AGFG1: variants seen among roughly 807,000 people sequenced by gnomAD.
The protein encoded by AGFG1 is ArfGAP with FG repeats 1, also known as arf-GAP domain and FG repeat-containing protein 1.
In AGFG1, 10 loss-of-function variants were observed where a neutral mutation model predicts 60.6. The observed-to-expected ratio is 0.16, with a 90% CI of 0.10 to 0.28. The LOEUF (loss-of-function observed/expected upper bound fraction) is 0.28, where lower values mean the gene tolerates loss of function less well. Ranked by LOEUF, AGFG1 falls within the 10% of genes least tolerant of loss-of-function variation. The probability of loss-of-function intolerance (pLI) is 1.00; values close to 1 mark genes in which losing one functional copy is unlikely to be tolerated. For missense variants in AGFG1, 537 were observed against 676.5 expected (o/e 0.79, Z 2.29); for synonymous variants, 247 against 242.9 (o/e 1.02, Z -0.16).
chr2:227,505,482 GT>G (rs1691286039), intron 2 of AGFG1, among the ~76,000 whole-genome samples: 1 of 151,844 alleles, frequency 6.6e-6, no homozygotes, highest in Admixed American at 6.6e-5. Flanking sequence ...CTGTTCTGCA[GT>G]TTCCAGAGGC....
At chr2:227,544,720 T>G (rs1395314759) in intron 10 of AGFG1, among the ~76,000 whole-genome samples, 1 of 152,230 alleles carries the variant, frequency 6.6e-6, no homozygotes, top group Non-Finnish European at 1.5e-5. Context: ...CTTATGAAGC[T>G]TAGTTTGGCT....
At chr2:227,481,135 G>C (rs1345027818) in intron 1 of AGFG1, among the ~76,000 whole-genome samples, 1 of 104,650 alleles carries the variant, frequency 9.6e-6, no homozygotes, top group Non-Finnish European at 1.8e-5. Context: ...AATTTGTTTG[G>C]AAACTCACGC....
intron 5 of AGFG1, among the ~76,000 whole-genome samples, 165 bp from the exon 6 acceptor site, chr2:227,530,926 G>C (rs1692138974): frequency 1.3e-5 from 2 of 152,088 alleles, no homozygotes; most frequent in Non-Finnish European, 1.5e-5. Context: ...ACCTGTAATT[G>C]GGTTACATGC....
At chr2:227,500,897 A>G (rs936105789) in intron 2 of AGFG1, among the ~76,000 whole-genome samples, 1 of 151,968 alleles carries the variant, frequency 6.6e-6, no homozygotes, top group African/African-American at 2.4e-5. Context: ...GGTTCAAGTG[A>G]TTCTCCTGCC....
chr2:227,495,509 G>T (rs900202235), intron 2 of AGFG1, among the ~76,000 whole-genome samples: 5 of 146,152 alleles, frequency 3.4e-5, no homozygotes, highest in African/African-American at 1.3e-4. Context: ...TCATGCAACT[G>T]CACACCAGCC....
rs890870725 is a variant in AGFG1 at position 227,559,953 on chromosome 2, C to G, written c.*5458C>G. On this transcript the variant is annotated 3_prime_UTR_variant, in exon 13 of 13. Coordinates refer to ENST00000310078, the MANE Select transcript of AGFG1 (RefSeq NM_004504.5). ...ATTTCTAAAAATTATGCAGTATACA[C>G]AAAGGGCATAAAGTCAAAAAGTGTG... The G allele has an allele frequency of 6.6e-6, 1 of 152,116 alleles. No individual in the cohort carries two copies. Among genetic ancestry groups the G allele is most frequent in the African/African-American group, 2.4e-5 (1 of 41,450 alleles). The allele number at this position is 152,116 out of a possible 1,614,324, so 9.4% of individuals were successfully genotyped here. A position where few individuals can be genotyped will look rare whatever the true frequency, so the allele number is the denominator to read the frequency against.
At position 227,472,549 on chromosome 2, in the gene AGFG1, C is replaced by T. The variant is rs765134918; in HGVS notation, c.128C>T (p.Thr43Met). Residue 43 changes from threonine to methionine, a missense_variant, in exon 1 of 13, where the codon ACG becomes ATG. Thr to Met is a moderately conservative substitution (Grantham distance 81, BLOSUM62 -1). Transcript: ENST00000310078. ...CGCGGCCCCACCTACGTTAACATGA[C>T]GGTCGGCTCCTTCGTGTGTACCTCC... ...DQRGPTYVNMTVGSFVCTSCS... is the reference protein window; with the variant it reads ...DQRGPTYVNMMVGSFVCTSCS... 7 of 1,579,858 alleles carry T rather than the reference C, an allele frequency of 4.4e-6. No homozygotes were observed. Among genetic ancestry groups the T allele is most frequent in the African/African-American group, 1.4e-5 (1 of 71,516 alleles).
chr2:227,480,426 G>T (rs1011821783), intron 1 of AGFG1, among the ~76,000 whole-genome samples: 2 of 151,562 alleles, frequency 1.3e-5, no homozygotes, highest in Non-Finnish European at 2.9e-5. Flanking sequence ...TTGAGATGGA[G>T]TCTCACTCCA....
chr2:227,506,470 T>C (rs1691315874), intron 2 of AGFG1, among the ~76,000 whole-genome samples: 2 of 151,802 alleles, frequency 1.3e-5, no homozygotes, highest in Non-Finnish European at 2.9e-5. Context: ...GGTGAACCTC[T>C]TGTCTTCTTG....
At chr2:227,478,331 TTTTG>T (rs925648269) in intron 1 of AGFG1, among the ~76,000 whole-genome samples, 4 of 151,744 alleles carry the variant, frequency 2.6e-5, no homozygotes, top group South Asian at 2.1e-4. Context: ...GCATAGGTTT[TTTTG>T]TTTGTTTGGG....
chr2:227,490,538 A>G (rs1307470787), intron 1 of AGFG1, among the ~76,000 whole-genome samples: 2 of 149,942 alleles, frequency 1.3e-5, no homozygotes, highest in Admixed American at 1.3e-4. Context: ...AGACTGCGCC[A>G]CTGCACTCCA....
chr2:227,550,070 G>C (rs1235806917), intron 10 of AGFG1: 1 of 451,282 alleles, frequency 2.2e-6, no homozygotes. Context: ...CCTTTCTGGA[G>C]CAATGCATTC....
chr2:227,531,360 T>C, intron 6 of AGFG1, 150 bp downstream of exon 6: 1 of 935,256 alleles, frequency 1.1e-6, no homozygotes, highest in Non-Finnish European at 1.5e-6. Context: ...AAACCTGAAC[T>C]CTTTATTTTT....
chr2:227,525,059 AC>A, intron 5 of AGFG1, 144 bp downstream of exon 5: 1 of 928,064 alleles, frequency 1.1e-6, no homozygotes, highest in Non-Finnish European at 1.6e-6. Flanking sequence ...GTAATATGTA[AC>A]CATATAATTG....
chr2:227,534,101 A>G (rs1692239170), intron 7 of AGFG1, among the ~76,000 whole-genome samples: 1 of 152,062 alleles, frequency 6.6e-6, no homozygotes, highest in African/African-American at 2.4e-5. Flanking sequence ...TTTCTGTAAT[A>G]TATTTACTTC....
Position 227,552,827 on chromosome 2 carries a change from C to A in AGFG1, c.1537+710C>A, listed in dbSNP as rs75848102. On this transcript the variant is annotated intron_variant, in intron 11 of 12. Transcript: ENST00000310078. Reference sequence around the variant, plus strand: ...GACCAGCCTGACCAACATAGAGAAACCCCGTCTCTACTAAAAATACAAAAT... The same window carrying A: ...GACCAGCCTGACCAACATAGAGAAAACCCGTCTCTACTAAAAATACAAAAT... Among the ~76,000 whole-genome samples the A allele has an allele frequency of 0.015, 2,239 of 151,316 alleles. 114 individuals are homozygous for A. The East Asian group carries it at 0.2, about 14-fold the overall frequency.
intron 10 of AGFG1, 84 bp from the exon 11 acceptor site, chr2:227,551,875 A>G: frequency 6.7e-7 from 1 of 1,491,410 alleles, no homozygotes; most frequent in Non-Finnish European, 9.1e-7. Flanking sequence ...TTCAAGGTAA[A>G]TGATGTCTTT....
intron 2 of AGFG1, among the ~76,000 whole-genome samples, chr2:227,497,595 T>G (rs1202092970): frequency 6.6e-6 from 1 of 152,098 alleles, no homozygotes; most frequent in South Asian, 2.1e-4. Context: ...GTTATTGCTC[T>G]TAGTTTCTTC....
intron 11 of AGFG1, 76 bp downstream of exon 11, chr2:227,552,193 A>G: frequency 1.3e-6 from 2 of 1,539,184 alleles, no homozygotes; most frequent in Non-Finnish European, 1.8e-6. Flanking sequence ...GTGCTTGGGC[A>G]GGAAGACTTT....
Sources: allele counts gnomAD v4.1 joint callset (sites outside exome capture counted in the v4.1 genomes callset), GRCh38; gene constraint gnomAD v4.1.1; transcripts MANE v1.5; gene names NCBI Gene and HGNC (gene_info 2026-07-23, HGNC 2026-07-21).